The following CDK14 variants were observed in gnomAD, a reference collection of about 807,000 sequenced individuals.
CDK14 encodes the protein cyclin dependent kinase 14.
A neutral mutation model predicts 60.7 loss-of-function variants in CDK14; 34 were observed. The observed-to-expected ratio is 0.56, with a 90% CI of 0.43 to 0.75. The LOEUF is 0.75. CDK14 is among the 30% of genes least tolerant of loss of function. CDK14 has a pLI of 0.00. For missense variants in CDK14, 482 were observed against 564.1 expected, an observed-to-expected ratio of 0.85 and a Z score of 1.47; for synonymous variants, 197 against 203.7, an observed-to-expected ratio of 0.97 and a Z score of 0.28.
intron 12 of CDK14, among the ~76,000 whole-genome samples, chr7:91,093,675 A>G (rs1798897072): frequency 6.6e-6 from 1 of 152,212 alleles, no homozygotes; most frequent in Non-Finnish European, 1.5e-5. Flanking sequence ...ATTACTGTTT[A>G]TATATCAAAA....
At chr7:90,937,712 GA>G (rs1378749597) in intron 8 of CDK14, among the ~76,000 whole-genome samples, 1 of 152,106 alleles carries the variant, frequency 6.6e-6, no homozygotes, top group African/African-American at 2.4e-5. Context: ...TTGTTTCAAT[GA>G]AAAATCAGCC....
At chr7:90,892,584 C>A (rs897395678) in intron 6 of CDK14, among the ~76,000 whole-genome samples, 6 of 152,154 alleles carry the variant, frequency 3.9e-5, no homozygotes, top group Admixed American at 3.9e-4. Context: ...ACAGAGAAAT[C>A]AAATCAATAT....
At chr7:90,710,833 T>C (rs1802032904) in intron 2 of CDK14, among the ~76,000 whole-genome samples, 1 of 152,084 alleles carries the variant, frequency 6.6e-6, no homozygotes, top group African/African-American at 2.4e-5. Flanking sequence ...TTGTTTCCTT[T>C]GTTAATTGTC....
chr7:90,772,766 A>G (rs1054498320), intron 4 of CDK14, among the ~76,000 whole-genome samples: 1 of 152,196 alleles, frequency 6.6e-6, no homozygotes. Flanking sequence ...TCTTTATAGC[A>G]TGCAAGAACA....
At chr7:90,854,409 G>A (rs1364423064) in intron 5 of CDK14, among the ~76,000 whole-genome samples, 3 of 152,070 alleles carry the variant, frequency 2.0e-5, no homozygotes, top group African/African-American at 2.4e-5. Flanking sequence ...CAGGGGTGGC[G>A]GCAGGTGCCT....
chr7:90,669,799 TG>T (rs1288782935), intron 2 of CDK14, among the ~76,000 whole-genome samples: 1 of 152,220 alleles, frequency 6.6e-6, no homozygotes, highest in African/African-American at 2.4e-5. Context: ...TTTCTGCTTT[TG>T]TGGACTTGAC....
intron 11 of CDK14, among the ~76,000 whole-genome samples, chr7:91,056,782 C>T (rs1797582712): frequency 6.6e-6 from 1 of 152,304 alleles, no homozygotes; most frequent in South Asian, 2.1e-4. Flanking sequence ...TATATATGTG[C>T]CACATTTTCT....
Position 91,003,066 on chromosome 7 carries a change from G to A in CDK14, c.1041+18825G>A, listed in dbSNP as rs537502357. Among the ~76,000 whole-genome samples the A allele has an allele frequency of 2.4e-4, 37 of 152,184 alleles. 1 individual carries two copies. Among genetic ancestry groups the A allele is most frequent in the African/African-American group, 7.9e-4 (33 of 41,522 alleles). ...CAGCCTGGCGACAGTGCAAGACTCCGTCTCAAAAAACAAAAAACAAACAGA... is the reference window on the plus strand; with the variant it reads ...CAGCCTGGCGACAGTGCAAGACTCCATCTCAAAAAACAAAAAACAAACAGA... On this transcript the variant is annotated intron_variant, in intron 10 of 14. Transcript: ENST00000380050.
chr7:90,828,175 A>T (rs1363812680), intron 5 of CDK14, among the ~76,000 whole-genome samples: 1 of 152,204 alleles, frequency 6.6e-6, no homozygotes, highest in Non-Finnish European at 1.5e-5. Context: ...ATATTTCCAG[A>T]GTCCTTGTCA....
chr7:90,822,223 A>G (rs1157717752), intron 5 of CDK14, among the ~76,000 whole-genome samples: 5 of 152,226 alleles, frequency 3.3e-5, no homozygotes, highest in Non-Finnish European at 7.3e-5. Flanking sequence ...CTCCTTGATT[A>G]TATTTGTATA....
intron 10 of CDK14, among the ~76,000 whole-genome samples, chr7:91,019,644 A>T (rs1488021148): frequency 6.6e-6 from 1 of 152,174 alleles, no homozygotes; most frequent in Non-Finnish European, 1.5e-5. Context: ...GTACATATTT[A>T]TGCATTGGTT....
At chr7:90,885,565 G>A (rs1791916011) in intron 6 of CDK14, among the ~76,000 whole-genome samples, 1 of 152,114 alleles carries the variant, frequency 6.6e-6, no homozygotes, top group African/African-American at 2.4e-5. Flanking sequence ...CCATTATAGG[G>A]TATATACCCA....
chr7:90,624,732 T>C (rs1799841810), intron 2 of CDK14, among the ~76,000 whole-genome samples: 1 of 152,220 alleles, frequency 6.6e-6, no homozygotes, highest in Non-Finnish European at 1.5e-5. Context: ...CACCACTTAG[T>C]AGCTTTGTTA....
At chr7:90,833,290 A>G (rs1277687613) in intron 5 of CDK14, among the ~76,000 whole-genome samples, 1 of 152,220 alleles carries the variant, frequency 6.6e-6, no homozygotes, top group Admixed American at 6.5e-5. Flanking sequence ...TAAAGGCTCT[A>G]TGATGGTAAT....
chr7:91,028,635 A>G (rs1033267359), intron 10 of CDK14, among the ~76,000 whole-genome samples: 3 of 152,166 alleles, frequency 2.0e-5, no homozygotes, highest in Admixed American at 2.0e-4. Flanking sequence ...GGGATAAAGT[A>G]GTATATATCA....
intron 6 of CDK14, among the ~76,000 whole-genome samples, chr7:90,896,722 C>T (rs1351102853): frequency 6.6e-6 from 1 of 152,170 alleles, no homozygotes; most frequent in African/African-American, 2.4e-5. Flanking sequence ...ATATTGCATT[C>T]ATTGCCTGGG....
At chr7:91,205,457 A>T (rs1452332666) in intron 14 of CDK14, among the ~76,000 whole-genome samples, 1 of 152,228 alleles carries the variant, frequency 6.6e-6, no homozygotes, top group Admixed American at 6.5e-5. Flanking sequence ...ATATTATATG[A>T]TTCCATTTGT....
At position 91,208,540 on chromosome 7, in the gene CDK14, C is replaced by T. The variant is rs75278656; in HGVS notation, c.*1404C>T. 1 of 152,212 alleles carries T rather than the reference C, an allele frequency of 6.6e-6. No individual in the cohort carries two copies. Among genetic ancestry groups the T allele is most frequent in the Admixed American group, 6.5e-5 (1 of 15,280 alleles). 9.4% of individuals were successfully genotyped at this position (152,212 alleles called of 1,614,324 possible). On this transcript the variant is annotated 3_prime_UTR_variant, in exon 15 of 15. Coordinates refer to ENST00000380050, the MANE Select transcript of CDK14 (RefSeq NM_001287135.2). ...TACACACAAATTCCTATGGAAATAC[C>T]TTTGTGTACAGTGTCTTACATTTTC...
chr7:90,793,568 A>G (rs943071936), intron 5 of CDK14, among the ~76,000 whole-genome samples: 1 of 152,246 alleles, frequency 6.6e-6, no homozygotes, highest in African/African-American at 2.4e-5. Context: ...AAGTGCAGTG[A>G]ACAGGAGGAA....
Sources: gnomAD v4.1 joint callset for allele counts (sites outside exome capture counted in the v4.1 genomes callset) on GRCh38, gnomAD v4.1.1 for gene constraint, MANE v1.5 for transcripts, NCBI Gene and HGNC (gene_info 2026-07-23, HGNC 2026-07-21) for gene names.